The following PDS5B variants were observed in gnomAD, a reference collection of about 807,000 sequenced individuals.
PDS5B encodes sister chromatid cohesion protein PDS5 homolog B.
Under a neutral mutation model 184.1 loss-of-function variants are expected in PDS5B, and 51 were observed. The observed-to-expected ratio is 0.28, with a 90% CI of 0.22 to 0.35. The LOEUF (loss-of-function observed/expected upper bound fraction) is 0.35. PDS5B is among the 10% of genes least tolerant of loss of function. PDS5B has a pLI of 1.00. For synonymous variants in PDS5B, 566 were observed against 569.2 expected (o/e 0.99, Z 0.08); for missense variants, 1,180 against 1,723.3 (o/e 0.68, Z 5.58).
chr13:32,729,355 A>G (rs1953021097), intron 19 of PDS5B, among the ~76,000 whole-genome samples: 2 of 152,216 alleles, frequency 1.3e-5, no homozygotes, highest in South Asian at 4.1e-4. Context: ...AGTGATGGGC[A>G]TTTGGATTGG....
At chr13:32,591,997 T>C (rs2057783066) in intron 1 of PDS5B, among the ~76,000 whole-genome samples, 1 of 152,158 alleles carries the variant, frequency 6.6e-6, no homozygotes, top group Non-Finnish European at 1.5e-5. Flanking sequence ...CTTGACTTGG[T>C]GTAAACATAA....
intron 23 of PDS5B, 68 bp from the exon 24 acceptor site, chr13:32,745,909 T>C (rs1048844302): frequency 2.8e-5 from 35 of 1,271,842 alleles, no homozygotes; most frequent in Non-Finnish European, 3.7e-5. Context: ...TTAATAAAAT[T>C]AGATGTACAG....
In PDS5B at chr13:32,777,153, G is replaced by T. The variant is rs1954980362; in HGVS notation, c.*2101G>T. 1 of 151,904 alleles carries T rather than the reference G, an allele frequency of 6.6e-6. No individual in the cohort carries two copies. The highest frequency in any genetic ancestry group is 1.5e-5 in the Non-Finnish European group (1 of 67,848). The allele number at this position is 151,904 out of a possible 1,614,324, so 9.4% of individuals were successfully genotyped here. A position where few individuals can be genotyped will look rare whatever the true frequency, so the allele number is the denominator to read the frequency against. On this transcript the variant is annotated 3_prime_UTR_variant, in exon 35 of 35. Transcript: ENST00000315596. ...AACATTTTATAAAACATACGAAAAA[G>T]TGATTGTGAAGGATTTTTATTTGCA...
In PDS5B at chr13:32,775,097, C is replaced by CTCTTTT; in HGVS notation, c.*46_*47insCTTTTT. On this transcript the variant is annotated 3_prime_UTR_variant, in exon 35 of 35. Transcript: ENST00000315596. ...TTCTCTGTGAAAGCTTTGGAAAAAT[C>CTCTTTT]TTTTTTTTTTTTTTTGGTCAAGCTT... The CTCTTTT allele has an allele frequency of 1.2e-6, 1 of 862,708 alleles. No individual in the cohort carries two copies. The highest frequency in any genetic ancestry group is 1.7e-6 in the Non-Finnish European group (1 of 591,422). The allele number at this position is 862,708 out of a possible 1,614,324, so 53.4% of individuals were successfully genotyped here. A position where few individuals can be genotyped will look rare whatever the true frequency, so the allele number is the denominator to read the frequency against.
At chr13:32,693,676 TTATAA>T (rs1192460830) in intron 13 of PDS5B, among the ~76,000 whole-genome samples, 10 of 149,472 alleles carry the variant, frequency 6.7e-5, no homozygotes, top group Non-Finnish European at 1.0e-4. Flanking sequence ...TATTTATATA[TTATAA>T]TATATTAAAC....
At chr13:32,733,607 A>G (rs1185316589) in intron 20 of PDS5B, among the ~76,000 whole-genome samples, 1 of 152,220 alleles carries the variant, frequency 6.6e-6, no homozygotes, top group Non-Finnish European at 1.5e-5. Context: ...ACAGTTTTGT[A>G]TTGGCCTTTC....
Position 32,770,539 on chromosome 13 carries a change from T to C in PDS5B, c.4043T>C (p.Val1348Ala), listed in dbSNP as rs1200187212. ...AAGTCCAAAAGCAAACAGCACCGAG[T>C]GTCAAGGAGAGCACAGCAGAGGTAA... ...EQKSKSKQHRVSRRAQQRAES... is the reference protein window; with the variant it reads ...EQKSKSKQHRASRRAQQRAES... Residue 1348 changes from valine to alanine, a missense_variant, in exon 32 of 35, where the codon GTG becomes GCG. By Grantham distance (64) the Val-to-Ala change is moderately conservative. Coordinates refer to ENST00000315596, the MANE Select transcript of PDS5B (RefSeq NM_015032.4). The C allele has an allele frequency of 5.0e-6, 8 of 1,607,670 alleles. No individual in the cohort carries two copies. Among genetic ancestry groups the C allele is most frequent in the Non-Finnish European group, 6.8e-6 (8 of 1,178,456 alleles).
intron 17 of PDS5B, among the ~76,000 whole-genome samples, chr13:32,702,390 C>T (rs1951887775): frequency 6.6e-6 from 1 of 152,280 alleles, no homozygotes; most frequent in East Asian, 1.9e-4. Context: ...GACTCTGAAT[C>T]AGACAAATTT....
chr13:32,628,047 T>A, intron 1 of PDS5B, among the ~76,000 whole-genome samples: 1 of 152,272 alleles, frequency 6.6e-6, no homozygotes, highest in South Asian at 2.1e-4. Flanking sequence ...TAAAGTTCAG[T>A]TTTAAGGGAA....
intron 17 of PDS5B, among the ~76,000 whole-genome samples, chr13:32,704,620 G>A (rs1381106986): frequency 6.6e-6 from 1 of 152,192 alleles, no homozygotes; most frequent in African/African-American, 2.4e-5. Flanking sequence ...TTATTATAGC[G>A]TAAATTCTTA....
chr13:32,700,227 A>G (rs1434384107), intron 16 of PDS5B, among the ~76,000 whole-genome samples: 1 of 152,094 alleles, frequency 6.6e-6, no homozygotes, highest in Non-Finnish European at 1.5e-5. Context: ...GAAGAATATA[A>G]TTAATATTTT....
chr13:32,594,446 G>A (rs539374354), intron 1 of PDS5B, among the ~76,000 whole-genome samples: 1 of 152,324 alleles, frequency 6.6e-6, no homozygotes. Context: ...TGGGAGGAAA[G>A]AGGCTGGTAT....
Position 32,658,549 on chromosome 13 carries a change from A to C in PDS5B, c.497+18A>C. On this transcript the variant is annotated intron_variant, in intron 5 of 34. Coordinates refer to ENST00000315596, the MANE Select transcript of PDS5B (RefSeq NM_015032.4). ...GTTATAAAGTAAGTTTATTTTATTA[A>C]GTATGTAACATTAAAAAAAGGTAAC... The C allele has an allele frequency of 8.1e-7, 1 of 1,237,280 alleles. No homozygotes were observed. The allele number at this position is 1,237,280 out of a possible 1,614,324, so 76.6% of individuals were successfully genotyped here. A position where few individuals can be genotyped will look rare whatever the true frequency, so the allele number is the denominator to read the frequency against.
At chr13:32,679,732 T>C (rs1951179636) in intron 10 of PDS5B, among the ~76,000 whole-genome samples, 1 of 152,240 alleles carries the variant, frequency 6.6e-6, no homozygotes, top group South Asian at 2.1e-4. Flanking sequence ...TGGAGCTTTC[T>C]GATTTCCTAC....
chr13:32,715,071 C>T (rs1952332357), intron 19 of PDS5B, among the ~76,000 whole-genome samples: 1 of 152,228 alleles, frequency 6.6e-6, no homozygotes, highest in South Asian at 2.1e-4. Context: ...TCTGCCATGG[C>T]TTCAGCTGGT....
At position 32,668,812 on chromosome 13, in the gene PDS5B, T is replaced by C. The variant is rs1490596778; in HGVS notation, c.705+968T>C. 2.6e-5 allele frequency among the ~76,000 whole-genome samples: 4 copies of C among 152,192 alleles called. No individual in the cohort carries two copies. The East Asian group carries it at 7.7e-4, about 29-fold the overall frequency. Reference sequence around the variant, plus strand: ...AAATTTAAAGTCAGTGTATGAAATATATCATGAAAAGATGTACTTTGAAAA... The same window carrying C: ...AAATTTAAAGTCAGTGTATGAAATACATCATGAAAAGATGTACTTTGAAAA... On this transcript the variant is annotated intron_variant, in intron 7 of 34. Transcript: ENST00000315596.
chr13:32,694,370 G>C, intron 14 of PDS5B, 66 bp downstream of exon 14: 2 of 925,128 alleles, frequency 2.2e-6, no homozygotes, highest in Non-Finnish European at 1.7e-6. Flanking sequence ...ATTTACCATT[G>C]CTGCTATGTG....
chr13:32,669,535 TAAAG>T (rs1010902625), intron 7 of PDS5B, among the ~76,000 whole-genome samples: 1 of 151,872 alleles, frequency 6.6e-6, no homozygotes, highest in Non-Finnish European at 1.5e-5. Flanking sequence ...GGAAGTTAAA[TAAAG>T]AAAAAAAGGC....
In PDS5B at chr13:32,773,202, T is replaced by G. The variant is rs1954848237; in HGVS notation, c.4186T>G (p.Ser1396Ala). 2.5e-6 allele frequency: 4 copies of G among 1,612,048 alleles called. No individual in the cohort carries two copies. The African/African-American group carries it at 4.0e-5, about 16-fold the overall frequency. Residue 1396 changes from serine to alanine, a missense_variant, in exon 34 of 35, where the codon TCC becomes GCC. Around this residue, in one of 11 missense-constraint regions of PDS5B, gnomAD observed 465 missense variants for 497.8 expected, o/e 0.93. Coordinates refer to ENST00000315596, the MANE Select transcript of PDS5B (RefSeq NM_015032.4). ...QPKKNVRVGR[S>A]KQAATKENDS... ...GTTTTACTCTAGCCGTGTAGGACGC[T>G]CCAAACAAGCAGCTACTAAGGAAAA...
Sources: allele counts gnomAD v4.1 joint callset (sites outside exome capture counted in the v4.1 genomes callset), GRCh38; gene constraint gnomAD v4.1.1; regional missense constraint gnomAD v4.1.1; transcripts MANE v1.5; gene names NCBI Gene and HGNC (gene_info 2026-07-23, HGNC 2026-07-21).